USP35: variants seen among roughly 807,000 people sequenced by gnomAD.
USP35 encodes the protein ubiquitin specific peptidase 35.
USP35 carries 69 observed loss-of-function variants against 83.8 expected under a neutral mutation model. The ratio of observed to expected loss-of-function variants is 0.82; its 90% CI spans 0.68 to 1.01. The LOEUF (loss-of-function observed/expected upper bound fraction) is 1.01, where lower values mean the gene tolerates loss of function less well. Ranked by LOEUF, USP35 falls within the 50% of genes least tolerant of loss-of-function variation. USP35 has a pLI of 0.00. For synonymous variants in USP35, 714 were observed against 589.5 expected (o/e 1.21, Z -3.06); for missense variants, 1,503 against 1,362.5 (o/e 1.10, Z -1.62).
At chr11:78,202,994 T>C (rs1863403422) in intron 6 of USP35, among the ~76,000 whole-genome samples, 1 of 152,038 alleles carries the variant, frequency 6.6e-6, no homozygotes, top group Admixed American at 6.6e-5. Flanking sequence ...GTAATGAAGG[T>C]GCAGGCAGAG....
chr11:78,211,215 GT>G (rs1436048617), intron 10 of USP35, among the ~76,000 whole-genome samples: 1 of 150,154 alleles, frequency 6.7e-6, no homozygotes, highest in Non-Finnish European at 1.5e-5. Context: ...TTGGTTTTCT[GT>G]TCCTGCGTTA....
chr11:78,221,212 G>C, the USP35 span, among the ~76,000 whole-genome samples: 1 of 152,242 alleles, frequency 6.6e-6, no homozygotes, highest in African/African-American at 2.4e-5. Flanking sequence ...TCTATGCAGT[G>C]ACTACCAGGT....
chr11:78,201,458 A>G (rs1863358412), intron 6 of USP35, among the ~76,000 whole-genome samples: 1 of 152,236 alleles, frequency 6.6e-6, no homozygotes, highest in African/African-American at 2.4e-5. Flanking sequence ...AGACTTGGAT[A>G]CGAGAAACTC....
In USP35 at chr11:78,209,817, C is replaced by T. The variant is rs2512527; in HGVS notation, c.1962C>T (p.Pro654=). 5 of 1,613,086 alleles carry T rather than the reference C, an allele frequency of 3.1e-6. No homozygotes were observed. Among genetic ancestry groups the T allele is most frequent in the African/African-American group, 2.7e-5 (2 of 74,992 alleles). Residue 654 remains proline (P), a synonymous_variant, in exon 10 of 11, where the codon CCC becomes CCT. Transcript: ENST00000529308. ...ACTGCATCACAGAGGACACCCCCCC[C>T]ACCAGCCTGTACATCGAAGGCCTGG... ...RKHCITEDTP[P]TSLYIEGLDS...
At position 78,213,988 on chromosome 11, in the gene USP35, C is replaced by CCTTTCATTGG. The variant is rs1221290011; in HGVS notation, c.*176_*185dup. On this transcript the variant is annotated 3_prime_UTR_variant, in exon 11 of 11. Coordinates refer to ENST00000529308, the MANE Select transcript of USP35 (RefSeq NM_020798.4). ...CAGATATGGAAGTAAGACCTAAGTC[C>CCTTTCATTGG]CTTTCATTGGGGATCAGTCCCATTA... The CCTTTCATTGG allele has an allele frequency of 7.5e-6, 5 of 671,134 alleles. No individual in the cohort carries two copies. The East Asian group carries it at 1.7e-4, about 23-fold the overall frequency. The allele number at this position is 671,134 out of a possible 1,614,324, so 41.6% of individuals were successfully genotyped here.
rs114353611 is a variant in USP35, at chr11:78,208,763, G to A, written c.1486-94G>A. ...AGGAGGCCAGGAAGTTTGAGGCCGA[G>A]GGAATGAGGTAGACCCTCAGGCCTA... On this transcript the variant is annotated intron_variant, in intron 8 of 10. Coordinates refer to ENST00000529308, the MANE Select transcript of USP35 (RefSeq NM_020798.4). 1,220 of 1,369,902 alleles carry A rather than the reference G, an allele frequency of 8.9e-4. 9 individuals are homozygous for A. The African/African-American group carries it at 0.016, about 18-fold the overall frequency. 84.9% of individuals were successfully genotyped at this position (1,369,902 alleles called of 1,614,324 possible).
At chr11:78,212,453 G>GC (rs1555089198) in intron 10 of USP35, among the ~76,000 whole-genome samples, 11 of 151,960 alleles carry the variant, frequency 7.2e-5, no homozygotes, top group African/African-American at 2.7e-4. Flanking sequence ...TTTTAAAATA[G>GC]TTTTTTCTAA....
chr11:78,225,317 T>G, the USP35 span: 5 of 654,010 alleles, frequency 7.6e-6, no homozygotes, highest in Admixed American at 1.4e-4. Flanking sequence ...GATACTACTC[T>G]CAACCCCAAA....
Position 78,209,516 on chromosome 11 carries a change from C to T in USP35, c.1661C>T (p.Pro554Leu), listed in dbSNP as rs201603605. 1.7e-3 allele frequency: 2,740 copies of T among 1,614,076 alleles called. 59 individuals carry two copies. The highest frequency in any genetic ancestry group is 6.6e-3 in the Middle Eastern group (40 of 6,060). The change falls in exon 10 of 11, where the codon CCG becomes CTG. Residue 554 changes from proline to leucine, a missense_variant. Coordinates refer to ENST00000529308, the MANE Select transcript of USP35 (RefSeq NM_020798.4). ...QKLKQSSSPS[P>L]PEEPPAPSST... ...CTCAAGCAGTCCAGCTCGCCCTCTC[C>T]GCCCGAGGAGCCCCCGGCCCCAAGT...
intron 10 of USP35, among the ~76,000 whole-genome samples, chr11:78,212,174 C>T (rs2511178): frequency 0.19 from 28,477 of 152,170 alleles, 3,007 homozygotes; most frequent in East Asian, 0.41. Context: ...CCAGTTCTTC[C>T]AGCAACATTT....
rs769010405 is a variant in USP35 at position 78,207,587 on chromosome 11, G to A, written c.1449G>A (p.Lys483=). The A allele has an allele frequency of 6.2e-7, 1 of 1,614,164 alleles. No homozygotes were observed. Among genetic ancestry groups the A allele is most frequent in the Admixed American group, 1.7e-5 (1 of 60,030 alleles). Residue 483 remains lysine (K), a synonymous_variant, in exon 8 of 11, where the codon AAG becomes AAA. Transcript: ENST00000529308. ...TENNSQPLMT[K]LQWLFGFLEH... is the part of the protein sequence containing the mutation. Reference sequence around the variant, plus strand: ...ACAACTCACAGCCCCTGATGACCAAGCTGCAGTGGCTCTTTGGCTTCCTAG... The same window carrying A: ...ACAACTCACAGCCCCTGATGACCAAACTGCAGTGGCTCTTTGGCTTCCTAG...
chr11:78,205,878 C>G lies in USP35; in HGVS notation c.1234C>G (p.Leu412Val). ...TCCCAATGAGGACCGCATCAAGCAG[C>G]TGCTGGGGCAGGATGCCTGGACTTC... ...HVPNEDRIKQLLGQDAWTSQK... is the reference protein window; with the variant it reads ...HVPNEDRIKQVLGQDAWTSQK... The change falls in exon 7 of 11, where the codon CTG (leucine) becomes GTG (valine). Residue 412 changes from leucine (L) to valine (V), a missense_variant. Transcript: ENST00000529308. 1 of 1,614,204 alleles carries G rather than the reference C, an allele frequency of 6.2e-7. No homozygotes were observed. Among genetic ancestry groups the G allele is most frequent in the Non-Finnish European group, 8.5e-7 (1 of 1,179,994 alleles).
downstream of USP35, chr11:78,219,514 G>A: frequency 9.0e-7 from 1 of 1,117,234 alleles, no homozygotes; most frequent in Non-Finnish European, 1.3e-6. Flanking sequence ...GTCTGAAGGG[G>A]AGAAGAGCAT....
intron 10 of USP35, among the ~76,000 whole-genome samples, chr11:78,212,067 C>A (rs986582167): frequency 6.6e-6 from 1 of 152,192 alleles, no homozygotes; most frequent in South Asian, 2.1e-4. Flanking sequence ...GGGTTTAATA[C>A]CTTTGGGTTT....
chr11:78,196,702 C>T lies in USP35; in HGVS notation c.457C>T (p.Arg153Cys). Residue 153 changes from arginine (R) to cysteine (C), a missense_variant, in exon 2 of 11, where the codon CGC becomes TGC. Arg to Cys is a radical substitution (Grantham distance 180, BLOSUM62 -3). Transcript: ENST00000529308. The surrounding 1 kb of genome is among the most constrained non-coding windows in gnomAD (Gnocchi z 4.8). ...QVARLLARHPRCVPDGPHRLL... is the reference protein window; with the variant it reads ...QVARLLARHPCCVPDGPHRLL... Reference sequence around the variant, plus strand: ...GGCACGGCTGCTGGCTCGCCACCCGCGCTGTGTGCCCGACGGACCCCACCG... The same window carrying T: ...GGCACGGCTGCTGGCTCGCCACCCGTGCTGTGTGCCCGACGGACCCCACCG... 1 of 1,523,626 alleles carries T rather than the reference C, an allele frequency of 6.6e-7. No homozygotes were observed. The highest frequency in any genetic ancestry group is 8.8e-7 in the Non-Finnish European group (1 of 1,141,840). The allele number at this position is 1,523,626 out of a possible 1,614,324, so 94.4% of individuals were successfully genotyped here. A position where few individuals can be genotyped will look rare whatever the true frequency, so the allele number is the denominator to read the frequency against.
chr11:78,206,934 C>G (rs1232571777), intron 7 of USP35, among the ~76,000 whole-genome samples: 2 of 152,160 alleles, frequency 1.3e-5, no homozygotes, highest in East Asian at 3.9e-4. Context: ...TCTACCCATC[C>G]CTAAAGGGTC....
rs1863135217 is a variant in USP35, at chr11:78,196,114, G to A, written c.-10-122G>A. 2.1e-6 allele frequency: 3 copies of A among 1,410,006 alleles called. No individual in the cohort carries two copies. The highest frequency in any genetic ancestry group is 2.8e-6 in the Non-Finnish European group (3 of 1,086,040). 87.3% of individuals were successfully genotyped at this position (1,410,006 alleles called of 1,614,324 possible). Reference sequence around the variant, plus strand: ...GACGCCCTTGCCCCATTTCACAGATGAGAAAACTGAGGCCCAGAAAGTTTG... The same window carrying A: ...GACGCCCTTGCCCCATTTCACAGATAAGAAAACTGAGGCCCAGAAAGTTTG... On this transcript the variant is annotated intron_variant, in intron 1 of 10. Coordinates refer to ENST00000529308, the MANE Select transcript of USP35 (RefSeq NM_020798.4). This position sits in a 1 kb window ranked among gnomAD's most constrained non-coding sequence, Gnocchi z 4.8.
rs774034451 is a variant in USP35, at chr11:78,210,118, T to C, written c.2263T>C (p.Ser755Pro). 6.2e-7 allele frequency: 1 copy of C among 1,613,806 alleles called. No individual in the cohort carries two copies. Among genetic ancestry groups the C allele is most frequent in the South Asian group, 1.1e-5 (1 of 91,050 alleles). Residue 755 changes from serine to proline, a missense_variant, in exon 10 of 11, where the codon TCT (serine) becomes CCT (proline). Physicochemically the swap from Ser to Pro is moderately conservative, Grantham distance 74 (BLOSUM62 -1). Coordinates refer to ENST00000529308, the MANE Select transcript of USP35 (RefSeq NM_020798.4). ...AIPSGERTCG[S>P]EGSRSVLDLV... is the part of the protein sequence containing the mutation. ...CCCCTCCGGGGAGCGGACATGTGGC[T>C]CTGAGGGCTCCCGCTCCGTCCTGGA...
chr11:78,206,140 T>A, intron 7 of USP35, 105 bp downstream of exon 7: 1 of 1,325,770 alleles, frequency 7.5e-7, no homozygotes, highest in African/African-American at 1.5e-5. Flanking sequence ...AGGGTGGGCC[T>A]TGCTTTGCAT....
Sources: gnomAD v4.1 joint callset for allele counts (sites outside exome capture counted in the v4.1 genomes callset) on GRCh38, gnomAD v4.1.1 for gene constraint, Gnocchi (gnomAD v3.1) non-coding constraint, MANE v1.5 for transcripts, NCBI Gene and HGNC (gene_info 2026-07-23, HGNC 2026-07-21) for gene names.